Variants in WASHC2C observed in about 807,000 individuals in gnomAD.
WASHC2C encodes the protein WASH complex subunit 2C.
Under a neutral mutation model 142.2 loss-of-function variants are expected in WASHC2C, and 73 were observed. The ratio of observed to expected loss-of-function variants is 0.51; its 90% CI spans 0.43 to 0.62. The LOEUF is 0.62. WASHC2C is among the 20% of genes least tolerant of loss of function. The pLI is 0.00. For synonymous variants in WASHC2C, 337 were observed against 565.5 expected (o/e 0.60, Z 5.73); for missense variants, 969 against 1,531.7 (o/e 0.63, Z 6.13).
At chr10:45,743,321 A>T in intron 5 of WASHC2C, 69 bp from the exon 6 acceptor site, 1 of 1,593,874 alleles carries the variant, frequency 6.3e-7, no homozygotes, top group Non-Finnish European at 8.6e-7. Context: ...GGAACAGGGT[A>T]TCAGGTGGCA....
Position 45,744,037 on chromosome 10 carries a change from G to C in WASHC2C, c.622+554G>C, listed in dbSNP as rs544387815. Among the ~76,000 whole-genome samples, 525 of 151,812 alleles carry C rather than the reference G, an allele frequency of 3.5e-3. 5 individuals carry two copies. The highest frequency in any genetic ancestry group is 0.012 in the African/African-American group (502 of 41,388). ...GCTGGGATTACAAGCATGAGCCACC[G>C]TGCCCGGCTCTTTTTCTTTCTTTCT... On this transcript the variant is annotated intron_variant, in intron 6 of 30. Transcript: ENST00000623400.
At chr10:45,729,066 T>C (rs781803682) in intron 3 of WASHC2C, 40 bp downstream of exon 3, 1 of 1,554,564 alleles carries the variant, frequency 6.4e-7, no homozygotes, top group South Asian at 1.2e-5. Flanking sequence ...TTTTTGGGAG[T>C]AGGAGATATT....
chr10:45,754,769 G>A (rs535955377), intron 14 of WASHC2C, among the ~76,000 whole-genome samples, 167 bp from the exon 15 acceptor site: 121 of 152,282 alleles, frequency 7.9e-4, no homozygotes, highest in African/African-American at 2.4e-3. Context: ...GTGATTCTCC[G>A]TTGTGAGATG....
intron 13 of WASHC2C, among the ~76,000 whole-genome samples, chr10:45,753,933 C>G (rs2053921218): frequency 6.6e-6 from 1 of 151,130 alleles, no homozygotes; most frequent in Admixed American, 6.6e-5. Context: ...CTCCCGGGCG[C>G]AGGCATCAGA....
chr10:45,746,796 G>A, intron 8 of WASHC2C, 149 bp downstream of exon 8: 1 of 1,007,342 alleles, frequency 9.9e-7, no homozygotes, highest in Non-Finnish European at 1.5e-6. Flanking sequence ...ATGTATTTAG[G>A]CTAACTACCT....
In WASHC2C at chr10:45,738,812, C is replaced by T. The variant is rs183257683; in HGVS notation, c.354+767C>T. Among the ~76,000 whole-genome samples the T allele has an allele frequency of 2.3e-3, 344 of 152,320 alleles. 7 individuals carry two copies. In the East Asian group the frequency reaches 0.047, roughly 21 times the overall value. On this transcript the variant is annotated intron_variant, in intron 4 of 30. Coordinates refer to ENST00000623400, the MANE Select transcript of WASHC2C (RefSeq NM_001330074.2). ...CTCTGCCTCCTGGGTGCAAGTGATTCTCCTGGCTCAGCTTCCCGAGTAGCT... is the reference window on the plus strand; with the variant it reads ...CTCTGCCTCCTGGGTGCAAGTGATTTTCCTGGCTCAGCTTCCCGAGTAGCT...
chr10:45,761,824 T>G (rs1554880107), intron 17 of WASHC2C, among the ~76,000 whole-genome samples: 2 of 152,228 alleles, frequency 1.3e-5, no homozygotes, highest in East Asian at 3.8e-4. Context: ...AGCAGAACCC[T>G]TTCTCTTGCC....
At chr10:45,787,560 T>C (rs1554890832) in intron 28 of WASHC2C, among the ~76,000 whole-genome samples, 1 of 150,360 alleles carries the variant, frequency 6.7e-6, no homozygotes, top group Non-Finnish European at 1.5e-5. Context: ...ACAGAGCAGA[T>C]CATGCCCCTC....
rs1241632831 is a variant in WASHC2C, at chr10:45,788,863, C to T, written c.3088-8C>T. ...GTCAGATCAATGTATGTTTTTTTGCCGTTGCAGAGCCGTGTCAAGATGAGA... is the reference window on the plus strand; with the variant it reads ...GTCAGATCAATGTATGTTTTTTTGCTGTTGCAGAGCCGTGTCAAGATGAGA... On this transcript the variant is annotated splice_region_variant and splice_polypyrimidine_tract_variant and intron_variant, in intron 28 of 30. Coordinates refer to ENST00000623400, the MANE Select transcript of WASHC2C (RefSeq NM_001330074.2). The T allele has an allele frequency of 9.9e-6, 16 of 1,611,770 alleles. No individual in the cohort carries two copies. The highest frequency in any genetic ancestry group is 2.2e-4 in the Middle Eastern group (1 of 4,452).
intron 8 of WASHC2C, among the ~76,000 whole-genome samples, chr10:45,746,992 T>C (rs1338464559): frequency 1.3e-5 from 2 of 152,210 alleles, no homozygotes; most frequent in African/African-American, 4.8e-5. Flanking sequence ...AGTAACATTA[T>C]TGAGTATTCA....
intron 16 of WASHC2C, 22 bp from the exon 17 acceptor site, chr10:45,759,293 C>CA (rs60369837): frequency 0.57 from 154,010 of 269,280 alleles, 43,869 homozygotes; most frequent in Admixed American, 0.72. Context: ...TCTTCCCCAC[C>CA]CCCCCCCCAC....
intron 3 of WASHC2C, among the ~76,000 whole-genome samples, chr10:45,732,313 G>C (rs2050705490): frequency 6.6e-6 from 1 of 152,152 alleles, no homozygotes. Context: ...TCTAGGGCGA[G>C]AACAGTCAGG....
chr10:45,741,190 C>T (rs1192366647), intron 5 of WASHC2C, among the ~76,000 whole-genome samples: 2 of 152,144 alleles, frequency 1.3e-5, no homozygotes, highest in African/African-American at 2.4e-5. Flanking sequence ...TCAGGTGATC[C>T]GCCTGCCTTG....
intron 3 of WASHC2C, among the ~76,000 whole-genome samples, chr10:45,737,273 CT>C: frequency 7.6e-6 from 1 of 132,324 alleles, no homozygotes; most frequent in Admixed American, 8.3e-5. Context: ...GCCACCGCAC[CT>C]GGCCTATATT....
chr10:45,787,193 C>T lies in WASHC2C; in HGVS notation c.3033C>T (p.Ala1011=), dbSNP rs1450311214. 35 of 1,544,494 alleles carry T rather than the reference C, an allele frequency of 2.3e-5. No homozygotes were observed. The highest frequency in any genetic ancestry group is 3.1e-5 in the Non-Finnish European group (35 of 1,137,428). The change falls in exon 28 of 31, where the codon GCC becomes GCT. Residue 1011 remains alanine (A), a synonymous_variant. Transcript: ENST00000623400. ...CTGTCCTTCCCGGGAGTGGGGAGGCCGGTGTGAGTTTTGATCTTCCAGCTC... is the reference window on the plus strand; with the variant it reads ...CTGTCCTTCCCGGGAGTGGGGAGGCTGGTGTGAGTTTTGATCTTCCAGCTC... ...SVPVLPGSGE[A]GVSFDLPAQA...
rs781943960 is a variant in WASHC2C, at chr10:45,769,353, C to T, written c.1870-96C>T. On this transcript the variant is annotated intron_variant, in intron 19 of 30. Coordinates refer to ENST00000623400, the MANE Select transcript of WASHC2C (RefSeq NM_001330074.2). ...AAGGATGGTCTTGATCTGCTGATCTCGTGATTCACCCGCCTCGGCCTCCCA... is the reference window on the plus strand; with the variant it reads ...AAGGATGGTCTTGATCTGCTGATCTTGTGATTCACCCGCCTCGGCCTCCCA... The T allele has an allele frequency of 1.3e-4, 193 of 1,444,116 alleles. No homozygotes were observed. In the Middle Eastern group the frequency reaches 1.5e-3, roughly 11 times the overall value. 89.5% of individuals were successfully genotyped at this position (1,444,116 alleles called of 1,614,324 possible).
intron 15 of WASHC2C, among the ~76,000 whole-genome samples, chr10:45,756,768 C>A (rs1350098538): frequency 4.6e-5 from 7 of 152,216 alleles, no homozygotes; most frequent in African/African-American, 1.7e-4. Context: ...GAAATGGCTG[C>A]TTGGATAAGC....
At chr10:45,727,214 G>C (rs2049943591), upstream of WASHC2C, 3 of 1,498,646 alleles carry the variant, frequency 2.0e-6, no homozygotes, top group South Asian at 1.3e-5. Context: ...GGTCACGTGA[G>C]GCCGGTCACG....
intron 16 of WASHC2C, 64 bp downstream of exon 16, chr10:45,757,203 A>T: frequency 6.2e-7 from 1 of 1,610,120 alleles, no homozygotes; most frequent in Non-Finnish European, 8.5e-7. Flanking sequence ...ATTCATCCGG[A>T]ACCCAGAGGG....
Sources: gnomAD v4.1 joint callset for allele counts (sites outside exome capture counted in the v4.1 genomes callset) on GRCh38, gnomAD v4.1.1 for gene constraint, MANE v1.5 for transcripts, NCBI Gene and HGNC (gene_info 2026-07-23, HGNC 2026-07-21) for gene names.